Variants in TECTA observed in about 807,000 individuals in gnomAD.
The protein encoded by TECTA is alpha-tectorin.
In TECTA, 128 loss-of-function variants were observed where a neutral mutation model predicts 216.8. The ratio of observed to expected loss-of-function variants is 0.59; its 90% CI spans 0.51 to 0.68. The LOEUF (loss-of-function observed/expected upper bound fraction) is 0.68, where lower values mean the gene tolerates loss of function less well. Ranked by LOEUF, TECTA falls within the 30% of genes least tolerant of loss-of-function variation. The pLI is 0.00. For missense variants in TECTA, 2,551 were observed against 2,786.2 expected (o/e 0.92, Z 1.90); for synonymous variants, 1,089 against 1,117.1 (o/e 0.97, Z 0.50).
intron 7 of TECTA, among the ~76,000 whole-genome samples, chr11:121,121,235 G>A (rs1047748487): frequency 1.3e-4 from 20 of 152,222 alleles, no homozygotes; most frequent in Non-Finnish European, 2.8e-4. Context: ...GTAGGTGCTC[G>A]GTGCATGCTG....
chr11:121,190,013 A>G, intron 23 of TECTA, 133 bp downstream of exon 23: 1 of 738,690 alleles, frequency 1.4e-6, no homozygotes, highest in Non-Finnish European at 2.4e-6. Context: ...TTAAGAAGGA[A>G]AGATGGGGAA....
rs535798886 is a variant in TECTA at position 121,165,407 on chromosome 11, C to T, written c.5383+24C>T. Reference sequence around the variant, plus strand: ...TAGTGAGTGACATGGGCCACCTCCCCACCCAGAAAGGCCCCATGGGAGATG... The same window carrying T: ...TAGTGAGTGACATGGGCCACCTCCCTACCCAGAAAGGCCCCATGGGAGATG... On this transcript the variant is annotated intron_variant, in intron 17 of 23. Transcript: ENST00000392793. The T allele has an allele frequency of 5.2e-6, 8 of 1,551,272 alleles. No individual in the cohort carries two copies. The South Asian group carries it at 9.5e-5, about 18-fold the overall frequency.
chr11:121,141,504 T>G (rs1946783354), intron 11 of TECTA, among the ~76,000 whole-genome samples: 1 of 151,880 alleles, frequency 6.6e-6, no homozygotes, highest in Non-Finnish European at 1.5e-5. Context: ...CCAGACAGGG[T>G]AGGGGGGTGA....
intron 20 of TECTA, among the ~76,000 whole-genome samples, chr11:121,178,511 G>A (rs1591468879): frequency 8.8e-6 from 1 of 113,800 alleles, no homozygotes; most frequent in African/African-American, 3.4e-5. Context: ...ATATTGGCTT[G>A]TAGTTAGTGT....
At chr11:121,136,738 A>G (rs1946731023) in intron 10 of TECTA, among the ~76,000 whole-genome samples, 1 of 152,204 alleles carries the variant, frequency 6.6e-6, no homozygotes, top group Non-Finnish European at 1.5e-5. Flanking sequence ...CCCAAAACAT[A>G]CAATGCTCCC....
intron 20 of TECTA, among the ~76,000 whole-genome samples, chr11:121,178,068 A>T (rs1159908318): frequency 1.3e-5 from 2 of 152,236 alleles, no homozygotes; most frequent in African/African-American, 2.4e-5. Flanking sequence ...CTGATTTTCC[A>T]GGTGCCGTCT....
chr11:121,156,840 A>G (rs988069774), intron 13 of TECTA, among the ~76,000 whole-genome samples: 8 of 152,260 alleles, frequency 5.3e-5, no homozygotes, highest in African/African-American at 1.9e-4. Flanking sequence ...GCAAAGTGAC[A>G]CTGGGGAGGT....
Position 121,189,156 on chromosome 11 carries a change from T to A in TECTA, c.6239T>A (p.Ile2080Asn). The change falls in exon 22 of 24, where the codon ATT becomes AAT. Residue 2080 changes from isoleucine to asparagine, a missense_variant. Physicochemically the swap from Ile to Asn is moderately radical, Grantham distance 149. Transcript: ENST00000392793. The stretch of plus-strand genomic sequence containing the variant: ...GAACAGATCATTTCAGTGGGACCTA[T>A]TAGGAGAAAAAGTATGTATGTTCCC... ...PKEQIISVGP[I>N]RRKRLDWCED... The A allele has an allele frequency of 2.5e-6, 4 of 1,614,028 alleles. No homozygotes were observed. Among genetic ancestry groups the A allele is most frequent in the Non-Finnish European group, 3.4e-6 (4 of 1,179,924 alleles).
chr11:121,158,095 G>C lies in TECTA; in HGVS notation c.4560G>C (p.Leu1520=), dbSNP rs778140719. 3.1e-6 allele frequency: 5 copies of C among 1,614,142 alleles called. No individual in the cohort carries two copies. The South Asian group carries it at 5.5e-5, about 18-fold the overall frequency. ...AFVLSTICQK[L]PDISFQLIIN... Reference sequence around the variant, plus strand: ...TGCTGTCCACCATCTGCCAGAAACTGCCCGACATCTCCTTCCAGCTTATCA... The same window carrying C: ...TGCTGTCCACCATCTGCCAGAAACTCCCCGACATCTCCTTCCAGCTTATCA... The change falls in exon 14 of 24, where the codon CTG becomes CTC. Residue 1520 remains leucine, a synonymous_variant. Transcript: ENST00000392793.
At chr11:121,103,441 G>A (rs1946364607) in intron 2 of TECTA, among the ~76,000 whole-genome samples, 1 of 152,112 alleles carries the variant, frequency 6.6e-6, no homozygotes, top group South Asian at 2.1e-4. Flanking sequence ...AACACGTCAA[G>A]CCCCTGTGCA....
chr11:121,150,741 G>A (rs1405419992), intron 12 of TECTA, among the ~76,000 whole-genome samples: 1 of 150,642 alleles, frequency 6.6e-6, no homozygotes, highest in African/African-American at 2.5e-5. Flanking sequence ...CGCCTCCTGG[G>A]TTCAAGCAAT....
At chr11:121,154,879 C>T (rs765243469) in intron 13 of TECTA, among the ~76,000 whole-genome samples, 16 of 152,138 alleles carry the variant, frequency 1.1e-4, no homozygotes, top group African/African-American at 2.7e-4. Context: ...ATTTTGTAAA[C>T]GAAAAATCCA....
rs764596301 is a variant in TECTA, at chr11:121,130,050, A to G, written c.2780A>G (p.His927Arg). The G allele has an allele frequency of 3.7e-6, 6 of 1,613,958 alleles. No homozygotes were observed. Among genetic ancestry groups the G allele is most frequent in the Non-Finnish European group, 4.2e-6 (5 of 1,179,982 alleles). Residue 927 changes from histidine (H) to arginine (R), a missense_variant, in exon 10 of 24, where the codon CAT (histidine) becomes CGT (arginine). His to Arg is a conservative substitution (Grantham distance 29). Coordinates refer to ENST00000392793, the MANE Select transcript of TECTA (RefSeq NM_005422.4). ...DPSNSSFLEC[H>R]GVVNVTAYYR... is the part of the protein sequence containing the mutation. ...TCCAACAGCTCCTTCCTGGAGTGCCATGGGGTGGTGAACGTCACTGCCTAT... is the reference window on the plus strand; with the variant it reads ...TCCAACAGCTCCTTCCTGGAGTGCCGTGGGGTGGTGAACGTCACTGCCTAT...
intron 17 of TECTA, among the ~76,000 whole-genome samples, chr11:121,165,938 C>T (rs1417277387): frequency 6.6e-6 from 1 of 152,184 alleles, no homozygotes; most frequent in Non-Finnish European, 1.5e-5. Flanking sequence ...AACCAAATAA[C>T]GCAGAGGCAG....
intron 8 of TECTA, 53 bp downstream of exon 8, chr11:121,125,925 A>T: frequency 6.3e-7 from 1 of 1,584,680 alleles, no homozygotes; most frequent in South Asian, 1.1e-5. Context: ...GGGGGCAGGG[A>T]TAGGCTTTGG....
At chr11:121,125,893 C>T (rs534421083) in intron 8 of TECTA, 21 bp downstream of exon 8, 14 of 1,602,066 alleles carry the variant, frequency 8.7e-6, no homozygotes, top group Non-Finnish European at 1.2e-5. Context: ...ATCCCATCCC[C>T]ATGACAGGTC....
intron 20 of TECTA, among the ~76,000 whole-genome samples, chr11:121,175,910 T>C (rs1461957377): frequency 1.3e-5 from 2 of 152,226 alleles, no homozygotes; most frequent in African/African-American, 2.4e-5. Context: ...TAGTTAGCTC[T>C]TCTTGTTGAA....
At chr11:121,154,486 TGAG>T (rs1198430307) in intron 13 of TECTA, among the ~76,000 whole-genome samples, 1 of 152,326 alleles carries the variant, frequency 6.6e-6, no homozygotes, top group Non-Finnish European at 1.5e-5. Context: ...TTCTCACAAT[TGAG>T]GAGAAGATAT....
intron 8 of TECTA, among the ~76,000 whole-genome samples, chr11:121,126,608 A>G (rs1052052150): frequency 6.6e-6 from 1 of 152,212 alleles, no homozygotes; most frequent in African/African-American, 2.4e-5. Flanking sequence ...ATATGAGTAA[A>G]TAGAAAATTG....
Sources: gnomAD v4.1 joint callset for allele counts (sites outside exome capture counted in the v4.1 genomes callset) on GRCh38, gnomAD v4.1.1 for gene constraint, MANE v1.5 for transcripts, NCBI Gene and HGNC (gene_info 2026-07-23, HGNC 2026-07-21) for gene names.